GRM1: variants seen among roughly 807,000 people sequenced by gnomAD.
GRM1 encodes the protein metabotropic glutamate receptor 1.
Under a neutral mutation model 90.9 loss-of-function variants are expected in GRM1, and 33 were observed. The observed-to-expected ratio is 0.36, with a 90% confidence interval of 0.28 to 0.49. GRM1 has a LOEUF of 0.49. Among genes scored for constraint, GRM1 ranks in the 20% least tolerant of loss-of-function variants. The probability of loss-of-function intolerance (pLI) is 0.99; values close to 1 mark genes in which losing one functional copy is unlikely to be tolerated. For synonymous variants in GRM1, 700 were observed against 613.2 expected, an observed-to-expected ratio of 1.14 and a Z score of -2.09; for missense variants, 1,190 against 1,534.3, an observed-to-expected ratio of 0.78 and a Z score of 3.75.
intron 1 of GRM1, among the ~76,000 whole-genome samples, chr6:146,046,454 T>G (rs1791335026): frequency 1.3e-5 from 2 of 151,984 alleles, no homozygotes; most frequent in African/African-American, 4.8e-5. Flanking sequence ...CAGCTTTTTC[T>G]CTCTACAGCC....
intron 2 of GRM1, among the ~76,000 whole-genome samples, chr6:146,249,130 A>G (rs1264349253): frequency 6.6e-6 from 1 of 152,246 alleles, no homozygotes; most frequent in African/African-American, 2.4e-5. Context: ...AGCAGAGCAT[A>G]AAGATTTATA....
chr6:146,054,146 A>G (rs1161733586), intron 1 of GRM1, among the ~76,000 whole-genome samples: 1 of 152,058 alleles, frequency 6.6e-6, no homozygotes, highest in Admixed American at 6.6e-5. Flanking sequence ...GATACTCATG[A>G]TTTGTTGGGC....
Position 146,159,573 on chromosome 6 carries a change from T to TG in GRM1, c.929dup (p.Glu311ArgfsTer8). The TG allele has an allele frequency of 6.2e-7, 1 of 1,613,300 alleles. No homozygotes were observed. The highest frequency in any genetic ancestry group is 8.5e-7 in the Non-Finnish European group (1 of 1,179,834). ...AGCGCCATGCGGCGCCTTGGCGTCG[T>TG]GGGCGAGTTCTCACTCATTGGAAGG... On this transcript the variant is annotated frameshift_variant, in exon 2 of 8. Coordinates refer to ENST00000282753, the MANE Select transcript of GRM1 (RefSeq NM_001278064.2). LOFTEE classifies it high-confidence loss of function.
intron 2 of GRM1, among the ~76,000 whole-genome samples, chr6:146,295,370 C>T (rs938307360): frequency 1.4e-5 from 2 of 147,826 alleles, no homozygotes; most frequent in Non-Finnish European, 3.0e-5. Flanking sequence ...ATCACAGGTG[C>T]CCACCCCCAT....
intron 2 of GRM1, among the ~76,000 whole-genome samples, chr6:146,287,607 T>C (rs1782812251): frequency 6.6e-6 from 1 of 152,190 alleles, no homozygotes; most frequent in African/African-American, 2.4e-5. Flanking sequence ...CAACAGGATG[T>C]GCCAGTCCCT....
chr6:146,324,757 C>T (rs1784343300), intron 3 of GRM1, among the ~76,000 whole-genome samples: 1 of 152,198 alleles, frequency 6.6e-6, no homozygotes, highest in Non-Finnish European at 1.5e-5. Context: ...GCTGCACCCC[C>T]TGTCTAACCA....
At chr6:146,331,738 C>T (rs1405204338) in intron 3 of GRM1, among the ~76,000 whole-genome samples, 1 of 152,082 alleles carries the variant, frequency 6.6e-6, no homozygotes, top group Non-Finnish European at 1.5e-5. Flanking sequence ...AGAGTACAAA[C>T]AGATGCTAGT....
Position 146,434,409 on chromosome 6 carries a change from C to A in GRM1, c.3198C>A (p.Tyr1066Ter). 1 of 1,613,190 alleles carries A rather than the reference C, an allele frequency of 6.2e-7. No individual in the cohort carries two copies. ...GGPGNGLRSL[Y>*]PPPPPPQHLQ... ...CCGGGAACGGGCTGCGGTCCCTGTA[C>A]CCGCCCCCGCCACCTCCGCAGCACC... is the stretch of plus-strand genomic sequence containing the variant. The change falls in exon 8 of 8, where the codon TAC becomes TAA. Residue 1066 changes from tyrosine to a stop codon, truncating the protein, a stop_gained. Coordinates refer to ENST00000282753, the MANE Select transcript of GRM1 (RefSeq NM_001278064.2). LOFTEE classifies it high-confidence loss of function.
intron 3 of GRM1, among the ~76,000 whole-genome samples, chr6:146,345,497 A>G (rs567795654): frequency 5.9e-5 from 9 of 152,330 alleles, no homozygotes; most frequent in Admixed American, 2.0e-4. Flanking sequence ...AGCTTTTACA[A>G]TAACTCTTGT....
At chr6:146,173,824 GC>G (rs1267418047) in intron 2 of GRM1, among the ~76,000 whole-genome samples, 1 of 151,846 alleles carries the variant, frequency 6.6e-6, no homozygotes, top group East Asian at 1.9e-4. Context: ...CCGCCACCAC[GC>G]CTGGCTAATT....
At chr6:146,170,425 C>T (rs1243645522) in intron 2 of GRM1, among the ~76,000 whole-genome samples, 1 of 152,022 alleles carries the variant, frequency 6.6e-6, no homozygotes, top group African/African-American at 2.4e-5. Flanking sequence ...TTAAAGGTAT[C>T]TCACATTTCT....
chr6:146,392,855 G>A (rs62107165), intron 6 of GRM1, among the ~76,000 whole-genome samples: 1 of 152,122 alleles, frequency 6.6e-6, no homozygotes, highest in Admixed American at 6.6e-5. Flanking sequence ...TCCCTGCAAA[G>A]GACATTAACT....
chr6:146,434,824 G>A lies in GRM1; in HGVS notation c.*28G>A. On this transcript the variant is annotated 3_prime_UTR_variant, in exon 8 of 8. Transcript: ENST00000282753. ...GGGAAGGGTCCACATAGAAAAGCAA[G>A]ACAAGCCAGAGATCTCCCACACCTC... 6.4e-7 allele frequency: 1 copy of A among 1,568,638 alleles called. No homozygotes were observed. The highest frequency in any genetic ancestry group is 8.7e-7 in the Non-Finnish European group (1 of 1,152,676).
chr6:146,061,098 G>T (rs780686715), intron 1 of GRM1, among the ~76,000 whole-genome samples: 5 of 152,072 alleles, frequency 3.3e-5, no homozygotes, highest in Non-Finnish European at 7.4e-5. Context: ...CGAGGCAGTA[G>T]AGCCATCAGA....
At chr6:146,245,762 C>A (rs988639886) in intron 2 of GRM1, among the ~76,000 whole-genome samples, 1 of 152,142 alleles carries the variant, frequency 6.6e-6, no homozygotes, top group African/African-American at 2.4e-5. Context: ...GAACAAAATT[C>A]TTTTCTAATA....
At chr6:146,194,459 A>G (rs1441500857) in intron 2 of GRM1, among the ~76,000 whole-genome samples, 1 of 152,226 alleles carries the variant, frequency 6.6e-6, no homozygotes, top group Non-Finnish European at 1.5e-5. Context: ...CCAAGTCTCT[A>G]AATGAGCCAA....
chr6:146,247,620 G>A (rs1781105667), intron 2 of GRM1, among the ~76,000 whole-genome samples: 1 of 151,374 alleles, frequency 6.6e-6, no homozygotes. Context: ...GCATGATGGG[G>A]CACGCCTGTA....
At chr6:146,213,505 A>C (rs1373246902) in intron 2 of GRM1, among the ~76,000 whole-genome samples, 1 of 152,150 alleles carries the variant, frequency 6.6e-6, no homozygotes, top group Admixed American at 6.6e-5. Context: ...GGATGTTTCA[A>C]TTTTACACAT....
chr6:146,048,994 C>A (rs1791431092), intron 1 of GRM1, among the ~76,000 whole-genome samples: 2 of 151,858 alleles, frequency 1.3e-5, no homozygotes. Context: ...TAATACAGTT[C>A]TTTTGAGGCT....
Sources: allele counts gnomAD v4.1 joint callset (sites outside exome capture counted in the v4.1 genomes callset), GRCh38; gene constraint gnomAD v4.1.1; transcripts MANE v1.5; gene names NCBI Gene and HGNC (gene_info 2026-07-23, HGNC 2026-07-21).